The following UTRN variants were observed in gnomAD, a reference collection of about 807,000 sequenced individuals.
UTRN encodes dystrophin-related protein 1.
In UTRN, 283 loss-of-function variants were observed where a neutral mutation model predicts 463.9. The observed-to-expected ratio is 0.61, with a 90% CI of 0.55 to 0.67. The LOEUF is 0.67. Ranked by LOEUF, UTRN falls within the 30% of genes least tolerant of loss-of-function variation. The pLI is 0.00. For missense variants in UTRN, 3,922 were observed against 4,084.3 expected (o/e 0.96, Z 1.08); for synonymous variants, 1,442 against 1,431.5 (o/e 1.01, Z -0.17).
chr6:144,451,269 A>G, intron 17 of UTRN, 101 bp from the exon 18 acceptor site: 1 of 1,398,858 alleles, frequency 7.1e-7, no homozygotes, highest in South Asian at 1.7e-5. Context: ...GGGAGTGATA[A>G]AAAGACATAT....
intron 18 of UTRN, among the ~76,000 whole-genome samples, chr6:144,452,835 G>A (rs1174050628): frequency 2.6e-5 from 4 of 151,188 alleles, no homozygotes; most frequent in South Asian, 2.1e-4. Flanking sequence ...CCAACTACTC[G>A]GGAGGCTGAG....
intron 18 of UTRN, among the ~76,000 whole-genome samples, chr6:144,453,546 C>G (rs1424155682): frequency 6.6e-6 from 1 of 152,070 alleles, no homozygotes; most frequent in Non-Finnish European, 1.5e-5. Flanking sequence ...GAATAGATAT[C>G]CTGGATCTAA....
At chr6:144,334,496 C>A (rs374190352) in intron 2 of UTRN, among the ~76,000 whole-genome samples, 1 of 151,928 alleles carries the variant, frequency 6.6e-6, no homozygotes, top group Non-Finnish European at 1.5e-5. Context: ...GAGTTTGAGG[C>A]GTGGGTTTGT....
chr6:144,512,161 A>G (rs1795230249), intron 35 of UTRN, among the ~76,000 whole-genome samples: 1 of 152,218 alleles, frequency 6.6e-6, no homozygotes, highest in Non-Finnish European at 1.5e-5. Flanking sequence ...GAACAAAAGT[A>G]TATACCTAAC....
intron 64 of UTRN, among the ~76,000 whole-genome samples, chr6:144,800,204 A>G (rs1450920885): frequency 6.6e-6 from 1 of 152,220 alleles, no homozygotes; most frequent in Non-Finnish European, 1.5e-5. Context: ...TAAATATTTG[A>G]ATGACCTTTA....
At chr6:144,349,991 G>C (rs1777969975) in intron 2 of UTRN, among the ~76,000 whole-genome samples, 1 of 152,172 alleles carries the variant, frequency 6.6e-6, no homozygotes, top group Non-Finnish European at 1.5e-5. Context: ...TTGTTTTGCA[G>C]AGGAAGATGA....
At chr6:144,629,771 A>G (rs1269048585) in intron 51 of UTRN, among the ~76,000 whole-genome samples, 1 of 152,242 alleles carries the variant, frequency 6.6e-6, no homozygotes, top group East Asian at 1.9e-4. Context: ...TATGTGAAAG[A>G]TAATTCCATC....
In UTRN at chr6:144,771,295, A is replaced by G. The variant is rs994353821; in HGVS notation, c.8496-612A>G. On this transcript the variant is annotated intron_variant, in intron 58 of 74. Transcript: ENST00000367545. ...ATTTATTATTAAAAAATTTTTATAA[A>G]AAACTTTTGTATAGAGATGAGGTCT... is the stretch of plus-strand genomic sequence containing the variant. Among the ~76,000 whole-genome samples the G allele has an allele frequency of 7.9e-5, 12 of 152,278 alleles. No individual in the cohort carries two copies. In the East Asian group the frequency reaches 1.5e-3, roughly 20 times the overall value.
intron 53 of UTRN, among the ~76,000 whole-genome samples, chr6:144,721,172 G>A (rs1787108284): frequency 1.3e-5 from 2 of 152,146 alleles, no homozygotes; most frequent in African/African-American, 4.8e-5. Context: ...ACACCTCAGA[G>A]CATGCGACTT....
At chr6:144,718,405 G>A (rs1313362708) in intron 53 of UTRN, among the ~76,000 whole-genome samples, 1 of 152,212 alleles carries the variant, frequency 6.6e-6, no homozygotes, top group Non-Finnish European at 1.5e-5. Context: ...GGAAGTTCAA[G>A]GCTGCAGTGA....
At chr6:144,548,147 GT>G (rs1322673405) in intron 46 of UTRN, among the ~76,000 whole-genome samples, 3 of 152,154 alleles carry the variant, frequency 2.0e-5, no homozygotes, top group East Asian at 3.9e-4. Context: ...TTCTTTGCAA[GT>G]TTTTTAAAAA....
intron 52 of UTRN, among the ~76,000 whole-genome samples, chr6:144,694,811 A>G (rs1421881639): frequency 2.0e-5 from 3 of 150,956 alleles, no homozygotes; most frequent in Non-Finnish European, 4.4e-5. Flanking sequence ...CAGTCTATCT[A>G]TTTTATTTCA....
At chr6:144,357,970 A>G (rs540281735) in intron 2 of UTRN, among the ~76,000 whole-genome samples, 3 of 152,322 alleles carry the variant, frequency 2.0e-5, no homozygotes, top group African/African-American at 7.2e-5. Flanking sequence ...CCATTCTTAT[A>G]CACTAGTTTG....
chr6:144,805,865 C>A (rs992701948), intron 65 of UTRN, among the ~76,000 whole-genome samples: 1 of 151,708 alleles, frequency 6.6e-6, no homozygotes, highest in Non-Finnish European at 1.5e-5. Context: ...GAAACCAGGA[C>A]AAATTTGACA....
chr6:144,340,121 C>T (rs542656915), intron 2 of UTRN, among the ~76,000 whole-genome samples: 1 of 152,204 alleles, frequency 6.6e-6, no homozygotes, highest in South Asian at 2.1e-4. Flanking sequence ...GAGCTGAGAT[C>T]ACACCACTGC....
chr6:144,827,436 T>C (rs770303888), intron 67 of UTRN, 50 bp downstream of exon 67: 2 of 1,610,766 alleles, frequency 1.2e-6, no homozygotes, highest in Admixed American at 1.7e-5. Flanking sequence ...TCAGTGGTAC[T>C]AGCATGGGGG....
intron 58 of UTRN, among the ~76,000 whole-genome samples, chr6:144,759,841 G>A (rs1792450588): frequency 6.6e-6 from 1 of 151,846 alleles, no homozygotes. Context: ...TTTATCCCAG[G>A]GAGACATTTT....
chr6:144,351,495 T>G (rs1418248382), intron 2 of UTRN, among the ~76,000 whole-genome samples: 3 of 152,168 alleles, frequency 2.0e-5, no homozygotes, highest in African/African-American at 7.2e-5. Flanking sequence ...GGACAGCAAA[T>G]GGCCTGCAGT....
intron 53 of UTRN, among the ~76,000 whole-genome samples, chr6:144,715,171 CT>C (rs1361020135): frequency 6.6e-6 from 1 of 152,162 alleles, no homozygotes; most frequent in Admixed American, 6.5e-5. Flanking sequence ...GAATTGGCCC[CT>C]ATAACATGTT....
Sources: allele counts gnomAD v4.1 joint callset (sites outside exome capture counted in the v4.1 genomes callset), GRCh38; gene constraint gnomAD v4.1.1; transcripts MANE v1.5; gene names NCBI Gene and HGNC (gene_info 2026-07-23, HGNC 2026-07-21).